GMDS: variants seen among roughly 807,000 people sequenced by gnomAD.
GMDS encodes the protein GDP-mannose 4,6-dehydratase, also known as GDP-mannose 4,6 dehydratase.
GMDS carries 20 observed loss-of-function variants against 49.9 expected under a neutral mutation model. The ratio of observed to expected loss-of-function variants is 0.40; its 90% CI spans 0.28 to 0.58. The LOEUF (loss-of-function observed/expected upper bound fraction) is 0.58. GMDS is among the 20% of genes least tolerant of loss of function. The probability of loss-of-function intolerance (pLI) is 0.42; values close to 1 mark genes in which losing one functional copy is unlikely to be tolerated. For synonymous variants in GMDS, 177 were observed against 178.6 expected (o/e 0.99, Z 0.07); for missense variants, 362 against 481.4 (o/e 0.75, Z 2.32).
chr6:2,052,122 AAAAAAAAAG>A lies in GMDS; in HGVS notation c.345+63640_345+63648del, dbSNP rs1379026972. 1.7e-3 allele frequency among the ~76,000 whole-genome samples: 245 copies of A among 141,614 alleles called. 3 individuals are homozygous for A. Among genetic ancestry groups the A allele is most frequent in the African/African-American group, 2.7e-3 (96 of 35,204 alleles). 92.9% of individuals were successfully genotyped at this position (141,614 alleles called of 152,430 possible). On this transcript the variant is annotated intron_variant, in intron 4 of 10. Transcript: ENST00000380815. The stretch of plus-strand genomic sequence containing the variant: ...ACAGAGCAAGACTCTGTCTCAAAAA[AAAAAAAAAG>A]AAAAAAAAAAAACAGAAAAGAAAAA...
At chr6:2,183,726 C>A (rs543327528) in intron 1 of GMDS, among the ~76,000 whole-genome samples, 2 of 152,190 alleles carry the variant, frequency 1.3e-5, no homozygotes, top group South Asian at 4.2e-4. Flanking sequence ...ATGTGGCAAA[C>A]TTTATTATTG....
chr6:1,898,462 G>T (rs566981649), intron 7 of GMDS, among the ~76,000 whole-genome samples: 1 of 152,100 alleles, frequency 6.6e-6, no homozygotes, highest in Non-Finnish European at 1.5e-5. Flanking sequence ...CAGCCCATTC[G>T]CTTCCTAGGG....
chr6:1,722,338 C>T (rs962837275), intron 9 of GMDS, among the ~76,000 whole-genome samples: 2 of 151,354 alleles, frequency 1.3e-5, no homozygotes, highest in African/African-American at 4.9e-5. Flanking sequence ...CTGCCCGCCT[C>T]GGCCTCCCAA....
At chr6:2,202,833 C>T (rs1779611589) in intron 1 of GMDS, among the ~76,000 whole-genome samples, 1 of 152,144 alleles carries the variant, frequency 6.6e-6, no homozygotes, top group Non-Finnish European at 1.5e-5. Flanking sequence ...GGGGATGGAG[C>T]AGAGACGGAA....
intron 7 of GMDS, among the ~76,000 whole-genome samples, chr6:1,892,834 A>C (rs775828809): frequency 1.7e-4 from 26 of 152,190 alleles, no homozygotes; most frequent in Non-Finnish European, 2.9e-4. Context: ...GCCTACTGTG[A>C]CTGGACACGC....
At chr6:2,231,050 G>A (rs1781084240) in intron 1 of GMDS, among the ~76,000 whole-genome samples, 1 of 149,432 alleles carries the variant, frequency 6.7e-6, no homozygotes, top group Admixed American at 6.8e-5. Context: ...AGAGTGCCTG[G>A]TCAAAACAAC....
intron 4 of GMDS, among the ~76,000 whole-genome samples, chr6:2,055,756 A>G (rs1201393466): frequency 6.6e-6 from 1 of 152,134 alleles, no homozygotes; most frequent in Non-Finnish European, 1.5e-5. Flanking sequence ...CACAGTGGTT[A>G]TTAGGCTGGG....
At chr6:1,655,521 A>G (rs1345174311) in intron 9 of GMDS, among the ~76,000 whole-genome samples, 2 of 144,532 alleles carry the variant, frequency 1.4e-5, no homozygotes, top group African/African-American at 5.1e-5. Context: ...ACACACACAT[A>G]TTTTTTTTTT....
At chr6:1,862,636 T>C (rs910168372) in intron 7 of GMDS, among the ~76,000 whole-genome samples, 1 of 152,256 alleles carries the variant, frequency 6.6e-6, no homozygotes, top group Non-Finnish European at 1.5e-5. Context: ...CCAAAGAACC[T>C]TTCCCAGCTG....
rs567197818 is a variant in GMDS, at chr6:2,216,575, T to C, written c.102+28746A>G. Among the ~76,000 whole-genome samples, 4 of 152,248 alleles carry C rather than the reference T, an allele frequency of 2.6e-5. No individual in the cohort carries two copies. The East Asian group carries it at 7.7e-4, about 29-fold the overall frequency. Reference sequence around the variant, plus strand: ...AAGAGCCTGACTTCAGTTAAAGAGGTCTGAGCTGGTGTGGCAGCACGCACC... The same window carrying C: ...AAGAGCCTGACTTCAGTTAAAGAGGCCTGAGCTGGTGTGGCAGCACGCACC... On this transcript the variant is annotated intron_variant, in intron 1 of 10. Transcript: ENST00000380815.
intron 9 of GMDS, among the ~76,000 whole-genome samples, chr6:1,631,222 C>G (rs541990655): frequency 2.6e-5 from 4 of 152,244 alleles, no homozygotes; most frequent in Admixed American, 1.3e-4. Flanking sequence ...CTAATTAAAC[C>G]ACAAAACAAT....
intron 1 of GMDS, among the ~76,000 whole-genome samples, chr6:2,124,959 T>C (rs1775339159): frequency 2.0e-5 from 3 of 152,104 alleles, no homozygotes; most frequent in Admixed American, 2.0e-4. Context: ...AGACAGAGGA[T>C]GAAAATGAAA....
intron 4 of GMDS, among the ~76,000 whole-genome samples, chr6:1,989,787 C>A (rs1367510522): frequency 1.3e-5 from 2 of 152,276 alleles, no homozygotes; most frequent in Non-Finnish European, 1.5e-5. Context: ...CCTGTCCAGC[C>A]TGGCCCTGCC....
At chr6:1,659,835 T>C (rs1764009873) in intron 9 of GMDS, among the ~76,000 whole-genome samples, 1 of 151,838 alleles carries the variant, frequency 6.6e-6, no homozygotes, top group African/African-American at 2.4e-5. Flanking sequence ...AGTAAAAAGA[T>C]GATCATAATT....
chr6:1,912,036 TATC>T (rs1357916062), intron 7 of GMDS, among the ~76,000 whole-genome samples: 1 of 152,208 alleles, frequency 6.6e-6, no homozygotes, highest in Non-Finnish European at 1.5e-5. Context: ...TTCATAATCT[TATC>T]ATTTTAGAAT....
intron 7 of GMDS, among the ~76,000 whole-genome samples, chr6:1,846,391 C>T (rs1219272406): frequency 6.6e-6 from 1 of 152,132 alleles, no homozygotes; most frequent in African/African-American, 2.4e-5. Context: ...CTGTGTCCAG[C>T]CAGACACCAT....
intron 4 of GMDS, among the ~76,000 whole-genome samples, chr6:1,973,101 T>G (rs1489307375): frequency 6.6e-6 from 1 of 152,156 alleles, no homozygotes; most frequent in Non-Finnish European, 1.5e-5. Context: ...GCCAGATAAA[T>G]AAGCTCTCAT....
At chr6:1,676,673 A>T (rs1442588585) in intron 9 of GMDS, among the ~76,000 whole-genome samples, 5 of 152,300 alleles carry the variant, frequency 3.3e-5, no homozygotes, top group Non-Finnish European at 5.9e-5. Context: ...CAAAAACAAG[A>T]AATGGGGAAA....
intron 1 of GMDS, among the ~76,000 whole-genome samples, chr6:2,167,855 G>A (rs1191858339): frequency 6.6e-6 from 1 of 152,134 alleles, no homozygotes; most frequent in Non-Finnish European, 1.5e-5. Flanking sequence ...TTAATTCCAT[G>A]GGAACAACAT....
Sources: gnomAD v4.1 joint callset for allele counts (sites outside exome capture counted in the v4.1 genomes callset) on GRCh38, gnomAD v4.1.1 for gene constraint, MANE v1.5 for transcripts, NCBI Gene and HGNC (gene_info 2026-07-23, HGNC 2026-07-21) for gene names.